ZNF131: variants seen among roughly 807,000 people sequenced by gnomAD.
The protein encoded by ZNF131 is zinc finger and BTB domain containing 35.
A neutral mutation model predicts 60.0 loss-of-function variants in ZNF131; 7 were observed. That is an observed-to-expected ratio of 0.12 (90% CI 0.07 to 0.22). The LOEUF is 0.22. ZNF131 is among the 10% of genes least tolerant of loss of function. The pLI, the probability that ZNF131 is intolerant of heterozygous loss-of-function variation, is 1.00. For synonymous variants in ZNF131, 257 were observed against 253.2 expected, an observed-to-expected ratio of 1.01 and a Z score of -0.14; for missense variants, 493 against 740.9, an observed-to-expected ratio of 0.67 and a Z score of 3.88.
intron 4 of ZNF131, among the ~76,000 whole-genome samples, chr5:43,157,503 A>G (rs1371251000): frequency 6.6e-6 from 1 of 152,148 alleles, no homozygotes; most frequent in Admixed American, 6.5e-5. Flanking sequence ...CCAGATTGAT[A>G]AAAGAGTCTC....
intron 4 of ZNF131, among the ~76,000 whole-genome samples, chr5:43,160,986 CT>C (rs1009973609): frequency 1.1e-4 from 17 of 151,978 alleles, no homozygotes; most frequent in Admixed American, 6.6e-5. Context: ...TGACTGGCAC[CT>C]TTTTTTCCCC....
chr5:43,128,868 A>AAGGTATGT (rs1744936530), intron 3 of ZNF131, among the ~76,000 whole-genome samples: 1 of 151,954 alleles, frequency 6.6e-6, no homozygotes, highest in Non-Finnish European at 1.5e-5. Flanking sequence ...CTCTCACCTC[A>AAGGTATGT]GCCTTCTAAC....
At chr5:43,144,233 CTTTCTTTTTTTTTTTT>C (rs1579793421) in intron 4 of ZNF131, among the ~76,000 whole-genome samples, 1 of 82,458 alleles carries the variant, frequency 1.2e-5, no homozygotes. Context: ...TTTTTTCTTT[CTTTCTTTTTTTTTTTT>C]TTTTTTTTTT....
intron 4 of ZNF131, among the ~76,000 whole-genome samples, chr5:43,142,701 T>A (rs570948701): frequency 3.4e-4 from 51 of 151,672 alleles, no homozygotes; most frequent in African/African-American, 1.2e-3. Context: ...GGGTTTGGTT[T>A]GGTTTTTTGA....
intron 3 of ZNF131, among the ~76,000 whole-genome samples, chr5:43,131,901 A>G (rs1156963640): frequency 1.3e-5 from 2 of 152,134 alleles, no homozygotes; most frequent in African/African-American, 4.8e-5. Flanking sequence ...TTTTCCAAGC[A>G]GGAAGGAAAA....
chr5:43,164,500 A>G (rs1324745749), intron 5 of ZNF131, among the ~76,000 whole-genome samples: 3 of 152,246 alleles, frequency 2.0e-5, no homozygotes, highest in African/African-American at 7.2e-5. Flanking sequence ...AAACATTGGT[A>G]AGTAACTTGC....
At chr5:43,174,103 C>T (rs1751315955) in intron 6 of ZNF131, among the ~76,000 whole-genome samples, 1 of 152,142 alleles carries the variant, frequency 6.6e-6, no homozygotes, top group South Asian at 2.1e-4. Context: ...TGGCAGATGC[C>T]TGTAATCCCA....
intron 4 of ZNF131, among the ~76,000 whole-genome samples, chr5:43,152,838 G>A (rs929948024): frequency 3.3e-5 from 5 of 151,772 alleles, no homozygotes; most frequent in African/African-American, 1.2e-4. Context: ...TTAAACTCCC[G>A]GACTCAAGCG....
Position 43,135,663 on chromosome 5 carries a change from G to A in ZNF131, c.227-3502G>A, listed in dbSNP as rs1365150424. On this transcript the variant is annotated intron_variant, in intron 3 of 6. Coordinates refer to ENST00000682664, the MANE Select transcript of ZNF131 (RefSeq NM_001330707.2). ...AGCTATTCGGGAGGCTGAGGTTGCA[G>A]TGAGCATGGATTGCACCACTGCACT... is the stretch of plus-strand genomic sequence containing the variant. Among the ~76,000 whole-genome samples, 4 of 152,178 alleles carry A rather than the reference G, an allele frequency of 2.6e-5. No individual in the cohort carries two copies. The East Asian group carries it at 7.7e-4, about 29-fold the overall frequency.
chr5:43,152,006 T>C (rs1301103972), intron 4 of ZNF131, among the ~76,000 whole-genome samples: 1 of 151,456 alleles, frequency 6.6e-6, no homozygotes, highest in Non-Finnish European at 1.5e-5. Flanking sequence ...TTCCTATTTA[T>C]TTATTTATTT....
At chr5:43,169,124 T>C (rs965822165) in intron 5 of ZNF131, among the ~76,000 whole-genome samples, 5 of 152,208 alleles carry the variant, frequency 3.3e-5, no homozygotes, top group African/African-American at 9.6e-5. Context: ...AATCAGAATT[T>C]CAGTTCCATC....
intron 3 of ZNF131, among the ~76,000 whole-genome samples, chr5:43,133,065 C>T (rs1435407040): frequency 6.6e-6 from 1 of 152,104 alleles, no homozygotes; most frequent in Non-Finnish European, 1.5e-5. Context: ...CATTAGCAGA[C>T]TGAACCAATA....
At chr5:43,153,002 C>G (rs2111777290) in intron 4 of ZNF131, among the ~76,000 whole-genome samples, 1 of 152,256 alleles carries the variant, frequency 6.6e-6, no homozygotes, top group African/African-American at 2.4e-5. Context: ...CCTCCTTCAC[C>G]TCTTTTCCAG....
At position 43,175,227 on chromosome 5, in the gene ZNF131, T is replaced by C; in HGVS notation, c.*94T>C. ...TCCTTAATTAAGCCTAACAGACAAG[T>C]GGACCAAAGTTAAGCTGTTTCCTGT... On this transcript the variant is annotated 3_prime_UTR_variant, in exon 7 of 7. Coordinates refer to ENST00000682664, the MANE Select transcript of ZNF131 (RefSeq NM_001330707.2). 1 of 1,260,686 alleles carries C rather than the reference T, an allele frequency of 7.9e-7. No individual in the cohort carries two copies. Among genetic ancestry groups the C allele is most frequent in the Non-Finnish European group, 1.1e-6 (1 of 926,482 alleles). The allele number at this position is 1,260,686 out of a possible 1,614,324, so 78.1% of individuals were successfully genotyped here. A position where few individuals can be genotyped will look rare whatever the true frequency, so the allele number is the denominator to read the frequency against.
Position 43,130,376 on chromosome 5 carries a change from T to G in ZNF131, c.226+7066T>G, listed in dbSNP as rs116302029. ...TATGGTGGTGAGGGAGAGAAAGAAA[T>G]AATGTATACATTTTGTGAAATGAGT... is the stretch of plus-strand genomic sequence containing the variant. On this transcript the variant is annotated intron_variant, in intron 3 of 6. Transcript: ENST00000682664. Among the ~76,000 whole-genome samples, 703 of 149,570 alleles carry G rather than the reference T, an allele frequency of 4.7e-3. 4 individuals carry two copies. The highest frequency in any genetic ancestry group is 0.017 in the African/African-American group (683 of 40,622).
intron 4 of ZNF131, among the ~76,000 whole-genome samples, chr5:43,148,788 A>T (rs1442202008): frequency 6.6e-6 from 1 of 152,254 alleles, no homozygotes; most frequent in African/African-American, 2.4e-5. Flanking sequence ...TAAAGTACAC[A>T]GTTTGATGAC....
intron 2 of ZNF131, 52 bp from the exon 3 acceptor site, chr5:43,123,156 AT>A (rs1744089443): frequency 2.1e-6 from 3 of 1,431,516 alleles, no homozygotes; most frequent in Admixed American, 4.2e-5. Context: ...GTAGTTATAC[AT>A]TTGATTTTCG....
At chr5:43,130,337 T>C (rs1426177316) in intron 3 of ZNF131, among the ~76,000 whole-genome samples, 2 of 149,404 alleles carry the variant, frequency 1.3e-5, no homozygotes, top group African/African-American at 4.9e-5. Context: ...CAAAAAGTTC[T>C]GGCATTGATT....
chr5:43,159,864 T>C (rs546188441), intron 4 of ZNF131, among the ~76,000 whole-genome samples: 28 of 152,244 alleles, frequency 1.8e-4, no homozygotes, highest in South Asian at 1.0e-3. Context: ...GCCTTTCTTA[T>C]GCTGTTTAAG....
Sources: allele counts gnomAD v4.1 joint callset (sites outside exome capture counted in the v4.1 genomes callset), GRCh38; gene constraint gnomAD v4.1.1; transcripts MANE v1.5; gene names NCBI Gene and HGNC (gene_info 2026-07-23, HGNC 2026-07-21).